FANCA: variants seen among roughly 807,000 people sequenced by gnomAD.
FANCA encodes Fanconi anemia group A protein.
FANCA carries 236 observed loss-of-function variants against 194.3 expected under a neutral mutation model. That is an observed-to-expected ratio of 1.21 (90% confidence interval 1.09 to 1.35). The LOEUF (loss-of-function observed/expected upper bound fraction) is 1.35. FANCA is among the 40% of genes most tolerant of loss of function. The pLI, the probability that FANCA is intolerant of heterozygous loss-of-function variation, is 0.00. For synonymous variants in FANCA, 1,014 were observed against 715.8 expected (o/e 1.42, Z -6.65); for missense variants, 2,628 against 1,813.9 (o/e 1.45, Z -8.15).
At chr16:89,809,039 G>C (rs903147643) in intron 5 of FANCA, among the ~76,000 whole-genome samples, 1 of 151,940 alleles carries the variant, frequency 6.6e-6, no homozygotes, top group Non-Finnish European at 1.5e-5. Context: ...CTGAGTAGCT[G>C]GGACTACAGG....
At chr16:89,777,209 T>C (rs1270945705) in intron 20 of FANCA, among the ~76,000 whole-genome samples, 5 of 141,048 alleles carry the variant, frequency 3.5e-5, no homozygotes, top group Admixed American at 2.8e-4. Flanking sequence ...GGGGGAAGGA[T>C]TGTTGAAGCC....
chr16:89,784,831 G>A, intron 15 of FANCA, 23 bp downstream of exon 15: 1 of 1,568,036 alleles, frequency 6.4e-7, no homozygotes, highest in Non-Finnish European at 8.8e-7. Context: ...CAGAAATCAT[G>A]GATGTGGCAG....
intron 36 of FANCA, among the ~76,000 whole-genome samples, chr16:89,743,316 A>G (rs2062178258): frequency 1.3e-5 from 2 of 152,212 alleles, no homozygotes; most frequent in Non-Finnish European, 2.9e-5. Context: ...ACAGAGAACA[A>G]AGGACTGCCT....
At chr16:89,777,283 G>A (rs1021383543) in intron 20 of FANCA, among the ~76,000 whole-genome samples, 2 of 152,232 alleles carry the variant, frequency 1.3e-5, no homozygotes, top group Non-Finnish European at 2.9e-5. Flanking sequence ...TTGGGAGGCG[G>A]AGAGGGAAGG....
intron 29 of FANCA, 140 bp from the exon 30 acceptor site, chr16:89,758,845 G>A: frequency 1.6e-6 from 2 of 1,256,592 alleles, no homozygotes; most frequent in South Asian, 1.3e-5. Flanking sequence ...GGACCTTGGA[G>A]TAGGGATGAG....
chr16:89,742,207 CA>C (rs1208435926), intron 37 of FANCA, among the ~76,000 whole-genome samples: 1 of 152,074 alleles, frequency 6.6e-6, no homozygotes, highest in Non-Finnish European at 1.5e-5. Flanking sequence ...AAACTCCTGA[CA>C]CCAAGTGATC....
chr16:89,744,795 T>A (rs2062206912), intron 36 of FANCA, 164 bp downstream of exon 36: 1 of 703,324 alleles, frequency 1.4e-6, no homozygotes, highest in African/African-American at 1.7e-5. Flanking sequence ...TAGTTGGGAT[T>A]ACAGGCGCCC....
At chr16:89,748,858 C>T (rs1005235542) in intron 32 of FANCA, 91 bp from the exon 33 acceptor site, 13 of 1,065,124 alleles carry the variant, frequency 1.2e-5, no homozygotes, top group Non-Finnish European at 1.8e-5. Context: ...CAACCACCAC[C>T]CTGAAACCCA....
At chr16:89,779,088 G>T in intron 18 of FANCA, 85 bp from the exon 19 acceptor site, 3 of 1,271,496 alleles carry the variant, frequency 2.4e-6, no homozygotes, top group South Asian at 1.2e-5. Context: ...TTCAGAGAGT[G>T]GACTGCGAGG....
In FANCA at chr16:89,759,318, T is replaced by TTAAAAAAAAAAAA. The variant is rs1224981781; in HGVS notation, c.2853-614_2853-613insTTTTTTTTTTTTA. 1.2e-3 allele frequency among the ~76,000 whole-genome samples: 89 copies of TTAAAAAAAAAAAA among 75,204 alleles called. 27 individuals carry two copies. Among genetic ancestry groups the TTAAAAAAAAAAAA allele is most frequent in the African/African-American group, 1.6e-3 (32 of 19,548 alleles). 49.3% of individuals were successfully genotyped at this position (75,204 alleles called of 152,430 possible). ...TTGGGCAACAGAGCGAGACTCCGTCTAAAAAAAAAAAAAAAAAAAAAAAAA... is the reference window on the plus strand; with the variant it reads ...TTGGGCAACAGAGCGAGACTCCGTCTTAAAAAAAAAAAAAAAAAAAAAAAAAAAAAAAAAAAAA... On this transcript the variant is annotated intron_variant, in intron 29 of 42. Transcript: ENST00000389301.
At position 89,805,453 on chromosome 16, in the gene FANCA, G is replaced by A. The variant is rs969409254; in HGVS notation, c.597-61C>T. On this transcript the variant is annotated intron_variant, in intron 6 of 42. Transcript: ENST00000389301. ...CTAAATCCCATCATCAGGGGATTGA[G>A]TTGAGCCATATGTCCCAATTTTTTT... The A allele has an allele frequency of 1.7e-5, 24 of 1,383,836 alleles. No homozygotes were observed. In the Admixed American group the frequency reaches 3.4e-4, roughly 20 times the overall value. 85.7% of individuals were successfully genotyped at this position (1,383,836 alleles called of 1,614,324 possible). A position where few individuals can be genotyped will look rare whatever the true frequency, so the allele number is the denominator to read the frequency against.
intron 31 of FANCA, 139 bp downstream of exon 31, chr16:89,751,999 T>C: frequency 1.3e-6 from 1 of 782,290 alleles, no homozygotes; most frequent in South Asian, 1.3e-5. Flanking sequence ...CTCGATCTCC[T>C]GACTGTGTGA....
intron 5 of FANCA, 132 bp from the exon 6 acceptor site, chr16:89,808,499 AAGCAAAAACTTAG>A: frequency 1.1e-6 from 1 of 903,834 alleles, no homozygotes. Context: ...AATTAACCTC[AAGCAAAAACTTAG>A]AGCCTGAAAC....
chr16:89,772,046 T>G (rs899991560), intron 22 of FANCA, among the ~76,000 whole-genome samples: 1 of 152,170 alleles, frequency 6.6e-6, no homozygotes, highest in African/African-American at 2.4e-5. Context: ...TACCTTTTCC[T>G]GATTGGCTGA....
chr16:89,742,850 C>G lies in FANCA; in HGVS notation c.3715G>C (p.Glu1239Gln). Residue 1239 changes from glutamate (E) to glutamine (Q), a missense_variant, in exon 37 of 43, where the codon GAA (glutamate) becomes CAA (glutamine). Physicochemically the swap from Glu to Gln is conservative, Grantham distance 29 (BLOSUM62 2). Transcript: ENST00000389301. ...ALHFAIQQVR[E>Q]ENIRKQLKKL... ...TTTAGCTGCTTCCTGATGTTTTCTT[C>G]CCTGACTTGTTGAATCGCAAAGTGC... is the stretch of plus-strand genomic sequence containing the variant. 6.2e-7 allele frequency: 1 copy of G among 1,614,152 alleles called. No individual in the cohort carries two copies. The highest frequency in any genetic ancestry group is 1.1e-5 in the South Asian group (1 of 91,084).
At chr16:89,796,131 G>T in intron 10 of FANCA, 113 bp from the exon 11 acceptor site, 1 of 800,656 alleles carries the variant, frequency 1.2e-6, no homozygotes, top group Non-Finnish European at 2.1e-6. Flanking sequence ...CAAGGAAGGG[G>T]CTTTCTTGGC....
chr16:89,761,798 C>G, intron 29 of FANCA, 151 bp downstream of exon 29: 1 of 691,704 alleles, frequency 1.4e-6, no homozygotes, highest in South Asian at 1.6e-5. Context: ...AATTTCTTTT[C>G]TATTTTTTGT....
At chr16:89,808,621 C>G (rs2143659857) in intron 5 of FANCA, among the ~76,000 whole-genome samples, 1 of 152,246 alleles carries the variant, frequency 6.6e-6, no homozygotes, top group South Asian at 2.1e-4. Flanking sequence ...TTCTCTCTTC[C>G]TACGCACTGT....
intron 2 of FANCA, among the ~76,000 whole-genome samples, chr16:89,815,042 CCT>C (rs2041049438): frequency 6.6e-6 from 1 of 152,112 alleles, no homozygotes; most frequent in South Asian, 2.1e-4. Flanking sequence ...GGGCTATTTT[CCT>C]TTTTTTCTTT....
Sources: gnomAD v4.1 joint callset for allele counts (sites outside exome capture counted in the v4.1 genomes callset) on GRCh38, gnomAD v4.1.1 for gene constraint, MANE v1.5 for transcripts, NCBI Gene and HGNC (gene_info 2026-07-23, HGNC 2026-07-21) for gene names.